SMARCAL1: variants seen among roughly 807,000 people sequenced by gnomAD.
SMARCAL1 encodes ATP-driven annealing helicase.
In SMARCAL1, 58 loss-of-function variants were observed where a neutral mutation model predicts 94.5. That is an observed-to-expected ratio of 0.61 (90% CI 0.50 to 0.76). SMARCAL1 has a LOEUF of 0.76. Ranked by LOEUF, SMARCAL1 falls within the 30% of genes least tolerant of loss-of-function variation. SMARCAL1 has a pLI of 0.00. For synonymous variants in SMARCAL1, 422 were observed against 455.1 expected (o/e 0.93, Z 0.93); for missense variants, 1,051 against 1,177.9 (o/e 0.89, Z 1.58).
intron 12 of SMARCAL1, among the ~76,000 whole-genome samples, chr2:216,455,699 T>C (rs1694549590): frequency 6.6e-6 from 1 of 152,172 alleles, no homozygotes; most frequent in Admixed American, 6.5e-5. Flanking sequence ...ACCCCATCTG[T>C]ACGTCACCAT....
intron 10 of SMARCAL1, chr2:216,446,559 G>T: frequency 2.5e-6 from 1 of 399,188 alleles, no homozygotes; most frequent in Non-Finnish European, 5.1e-6. Flanking sequence ...AGGAAGTTCA[G>T]ACCTGCCACT....
chr2:216,435,842 C>T (rs626229), intron 9 of SMARCAL1, among the ~76,000 whole-genome samples: 3,286 of 152,280 alleles, frequency 0.022, 107 homozygotes, highest in African/African-American at 0.074. Context: ...ACAACCTGGA[C>T]GGCAAGGGGG....
At chr2:216,449,161 A>G (rs1163078380) in intron 11 of SMARCAL1, among the ~76,000 whole-genome samples, 1 of 152,242 alleles carries the variant, frequency 6.6e-6, no homozygotes, top group East Asian at 1.9e-4. Context: ...TCCTTTTCTT[A>G]TAAAGCTACC....
At chr2:216,477,334 T>A in intron 16 of SMARCAL1, 125 bp downstream of exon 16, 1 of 775,916 alleles carries the variant, frequency 1.3e-6, no homozygotes. Flanking sequence ...CTATAGAAAA[T>A]TGACTAGTGA....
chr2:216,420,364 G>C lies in SMARCAL1; in HGVS notation c.928G>C (p.Glu310Gln). 1 of 1,614,148 alleles carries C rather than the reference G, an allele frequency of 6.2e-7. No homozygotes were observed. The highest frequency in any genetic ancestry group is 8.5e-7 in the Non-Finnish European group (1 of 1,180,022). Reference sequence around the variant, plus strand: ...TCTGGAATGGGCCTATGGCAGCAGCGAGTCACCCTCCACCAGCAGTGAGGG... The same window carrying C: ...TCTGGAATGGGCCTATGGCAGCAGCCAGTCACCCTCCACCAGCAGTGAGGG... The part of the protein sequence containing the change: ...QPLEWAYGSS[E>Q]SPSTSSEGQA... Residue 310 changes from glutamate to glutamine, a missense_variant, in exon 5 of 18, where the codon GAG becomes CAG. This residue lies in a region of SMARCAL1 where 398 missense variants were observed against 395.2 expected (regional missense o/e 1.01). Transcript: ENST00000357276.
Position 216,482,696 on chromosome 2 carries a change from TG to T in SMARCAL1, c.2626-39del, listed in dbSNP as rs777381962. 8 of 1,614,002 alleles carry T rather than the reference TG, an allele frequency of 5.0e-6. No individual in the cohort carries two copies. The highest frequency in any genetic ancestry group is 6.8e-6 in the Non-Finnish European group (8 of 1,179,998). ...GTGGAGGAGAGTCAGTGTTGGAGCCTGGGCTCTTCCTTTTATCTTTTGTTTT... is the reference window on the plus strand; with the variant it reads ...GTGGAGGAGAGTCAGTGTTGGAGCCTGGCTCTTCCTTTTATCTTTTGTTTT... On this transcript the variant is annotated intron_variant, in intron 17 of 17. Coordinates refer to ENST00000357276, the MANE Select transcript of SMARCAL1 (RefSeq NM_014140.4). This position sits in a 1 kb window ranked among gnomAD's most constrained non-coding sequence, Gnocchi z 4.3.
At position 216,482,884 on chromosome 2, in the gene SMARCAL1, C is replaced by T. The variant is rs991561198; in HGVS notation, c.2772C>T (p.Asp924=). The change falls in exon 18 of 18, where the codon GAC becomes GAT. Residue 924 remains aspartate, a synonymous_variant. Coordinates refer to ENST00000357276, the MANE Select transcript of SMARCAL1 (RefSeq NM_014140.4). The surrounding 1 kb of genome is among the most constrained non-coding windows in gnomAD (Gnocchi z 4.3). The part of the protein sequence containing the change: ...TSGSSSQNMG[D]TLDESSLTAS... Reference sequence around the variant, plus strand: ...GAAGTAGTTCCCAGAACATGGGAGACACCCTGGATGAAAGCTCATTGACAG... The same window carrying T: ...GAAGTAGTTCCCAGAACATGGGAGATACCCTGGATGAAAGCTCATTGACAG... 5 of 1,614,178 alleles carry T rather than the reference C, an allele frequency of 3.1e-6. No homozygotes were observed. The highest frequency in any genetic ancestry group is 1.1e-5 in the South Asian group (1 of 91,084).
intron 10 of SMARCAL1, among the ~76,000 whole-genome samples, chr2:216,444,506 A>AT (rs1694262575): frequency 6.6e-6 from 1 of 151,764 alleles, no homozygotes; most frequent in African/African-American, 2.4e-5. Flanking sequence ...TCTTAATTTT[A>AT]TTTTTTATTT....
At chr2:216,462,919 C>T (rs79043543) in intron 12 of SMARCAL1, among the ~76,000 whole-genome samples, 1,961 of 152,074 alleles carry the variant, frequency 0.013, 22 homozygotes, top group Non-Finnish European at 0.019. Context: ...GAGCCCAAGA[C>T]GCTGAGGCTG....
chr2:216,475,941 T>C lies in SMARCAL1; in HGVS notation c.2427+490T>C, dbSNP rs192594538. ...CTCAAGGGGTGAGGCAGGACTGCAC[T>C]GCCATAACTGAAGAGGGCACTTGGT... On this transcript the variant is annotated intron_variant, in intron 15 of 17. Coordinates refer to ENST00000357276, the MANE Select transcript of SMARCAL1 (RefSeq NM_014140.4). This position sits in a 1 kb window ranked among gnomAD's most constrained non-coding sequence, Gnocchi z 4.4. Among the ~76,000 whole-genome samples, 221 of 151,672 alleles carry C rather than the reference T, an allele frequency of 1.5e-3. No homozygotes were observed. The highest frequency in any genetic ancestry group is 5.1e-3 in the African/African-American group (212 of 41,340).
rs763691819 is a variant in SMARCAL1 at position 216,415,097 on chromosome 2, A to G, written c.393A>G (p.Pro131=). Residue 131 remains proline (P), a synonymous_variant, in exon 3 of 18, where the codon CCA becomes CCG. Transcript: ENST00000357276. ...GISPPLAQSP[P]EVPKQQLLSY... ...CTCCTCCCTTGGCACAAAGTCCTCCAGAGGTCCCTAAACAACAGCTCTTGA... is the reference window on the plus strand; with the variant it reads ...CTCCTCCCTTGGCACAAAGTCCTCCGGAGGTCCCTAAACAACAGCTCTTGA... 7 of 1,614,100 alleles carry G rather than the reference A, an allele frequency of 4.3e-6. No homozygotes were observed. The highest frequency in any genetic ancestry group is 5.1e-6 in the Non-Finnish European group (6 of 1,179,990).
chr2:216,423,493 G>A lies in SMARCAL1; in HGVS notation c.1097-140G>A, dbSNP rs1419650849. 4.5e-5 allele frequency: 33 copies of A among 738,004 alleles called. No homozygotes were observed. In the East Asian group the frequency reaches 6.2e-4, roughly 14 times the overall value. The allele number at this position is 738,004 out of a possible 1,614,324, so 45.7% of individuals were successfully genotyped here. A position where few individuals can be genotyped will look rare whatever the true frequency, so the allele number is the denominator to read the frequency against. On this transcript the variant is annotated intron_variant, in intron 5 of 17. Transcript: ENST00000357276. ...AAGTACTCTCCTAATTTCTGTATCCGCAGTGCTAGGTACAGGACCAGCTGC... is the reference window on the plus strand; with the variant it reads ...AAGTACTCTCCTAATTTCTGTATCCACAGTGCTAGGTACAGGACCAGCTGC...
intron 9 of SMARCAL1, 86 bp from the exon 10 acceptor site, chr2:216,438,334 C>A: frequency 8.6e-7 from 1 of 1,159,350 alleles, no homozygotes; most frequent in Non-Finnish European, 1.3e-6. Context: ...CTTGCACTTG[C>A]CATGCCAGGG....
chr2:216,469,155 G>A (rs1393479488), intron 14 of SMARCAL1, among the ~76,000 whole-genome samples: 1 of 151,886 alleles, frequency 6.6e-6, no homozygotes, highest in Non-Finnish European at 1.5e-5. Context: ...CTATATTCTA[G>A]GAGTACGTAT....
chr2:216,466,430 A>G (rs1015374581), intron 13 of SMARCAL1, among the ~76,000 whole-genome samples: 6 of 152,208 alleles, frequency 3.9e-5, no homozygotes, highest in African/African-American at 1.2e-4. Flanking sequence ...GAGTAAATCT[A>G]TGACTCTCTG....
Position 216,415,409 on chromosome 2 carries a change from C to T in SMARCAL1, c.705C>T (p.Asn235=). ...GGTCCTCAGTCCAAAAAGGAGTGAACTCTCAGAAGGGAAAGTGCGTAAGGA... is the reference window on the plus strand; with the variant it reads ...GGTCCTCAGTCCAAAAAGGAGTGAATTCTCAGAAGGGAAAGTGCGTAAGGA... The part of the protein sequence containing the change: ...KSGSSVQKGV[N]SQKGKCVRNG... Residue 235 remains asparagine, a synonymous_variant, in exon 3 of 18, where the codon AAC becomes AAT. Transcript: ENST00000357276. 1 of 1,614,226 alleles carries T rather than the reference C, an allele frequency of 6.2e-7. No homozygotes were observed.
intron 12 of SMARCAL1, among the ~76,000 whole-genome samples, chr2:216,452,767 A>G (rs1694478168): frequency 1.3e-5 from 2 of 152,238 alleles, no homozygotes; most frequent in South Asian, 4.1e-4. Context: ...GTGCAACAAG[A>G]TCTGAAAGCA....
At position 216,475,162 on chromosome 2, in the gene SMARCAL1, T is replaced by C; in HGVS notation, c.2245-107T>C. ...AAGAAAAGCTCTGAAGGCAGGGGCC[T>C]CTGCTGAGCTGGAACCTGGTTCTGT... is the stretch of plus-strand genomic sequence containing the variant. On this transcript the variant is annotated intron_variant, in intron 14 of 17. Transcript: ENST00000357276. The surrounding 1 kb of genome is among the most constrained non-coding windows in gnomAD (Gnocchi z 4.4). 1 of 1,099,188 alleles carries C rather than the reference T, an allele frequency of 9.1e-7. No individual in the cohort carries two copies. The allele number at this position is 1,099,188 out of a possible 1,614,324, so 68.1% of individuals were successfully genotyped here.
At chr2:216,477,067 C>T (rs1235992836) in intron 15 of SMARCAL1, 42 bp from the exon 16 acceptor site, 1 of 1,492,704 alleles carries the variant, frequency 6.7e-7, no homozygotes, top group East Asian at 2.5e-5. Flanking sequence ...GATGGAACTG[C>T]TTCAGGCCTT....
Sources: gnomAD v4.1 joint callset for allele counts (sites outside exome capture counted in the v4.1 genomes callset) on GRCh38, gnomAD v4.1.1 for gene constraint, gnomAD v4.1.1 regional missense constraint, Gnocchi (gnomAD v3.1) non-coding constraint, MANE v1.5 for transcripts, NCBI Gene and HGNC (gene_info 2026-07-23, HGNC 2026-07-21) for gene names.